ITPR1: variants seen among roughly 807,000 people sequenced by gnomAD.
ITPR1 encodes the protein inositol 1,4,5-trisphosphate-gated calcium channel ITPR1.
In ITPR1, 96 loss-of-function variants were observed where a neutral mutation model predicts 318.4. That is an observed-to-expected ratio of 0.30 (90% CI 0.26 to 0.36). The LOEUF (loss-of-function observed/expected upper bound fraction) is 0.36, where lower values mean the gene tolerates loss of function less well. Ranked by LOEUF, ITPR1 falls within the 10% of genes least tolerant of loss-of-function variation. The probability of loss-of-function intolerance (pLI) is 1.00; values close to 1 mark genes in which losing one functional copy is unlikely to be tolerated. For synonymous variants in ITPR1, 1,312 were observed against 1,289.9 expected, an observed-to-expected ratio of 1.02 and a Z score of -0.37; for missense variants, 2,440 against 3,460.2, an observed-to-expected ratio of 0.71 and a Z score of 7.40.
At chr3:4,758,012 T>G (rs1380639547) in intron 44 of ITPR1, among the ~76,000 whole-genome samples, 1 of 152,214 alleles carries the variant, frequency 6.6e-6, no homozygotes, top group Non-Finnish European at 1.5e-5. Context: ...AAATCAAAGA[T>G]GCCCACAGAG....
intron 17 of ITPR1, among the ~76,000 whole-genome samples, chr3:4,666,933 T>C (rs1017592206): frequency 6.6e-6 from 1 of 152,160 alleles, no homozygotes; most frequent in Admixed American, 6.5e-5. Context: ...TTACCACAAA[T>C]AAAGGAAATG....
At chr3:4,737,703 A>G (rs1201560119) in intron 44 of ITPR1, among the ~76,000 whole-genome samples, 1 of 152,226 alleles carries the variant, frequency 6.6e-6, no homozygotes, top group East Asian at 1.9e-4. Context: ...TAAGAATTAA[A>G]AAGTTAATGG....
At chr3:4,825,246 G>A (rs1365867816) in intron 60 of ITPR1, among the ~76,000 whole-genome samples, 1 of 152,048 alleles carries the variant, frequency 6.6e-6, no homozygotes, top group East Asian at 1.9e-4. Flanking sequence ...GTTCCATTAC[G>A]GGTTAGTTCA....
chr3:4,814,085 T>G (rs369192853), intron 57 of ITPR1, among the ~76,000 whole-genome samples: 1 of 152,186 alleles, frequency 6.6e-6, no homozygotes, highest in South Asian at 2.1e-4. Context: ...ACAAGAGGCC[T>G]GTGACTCAGA....
chr3:4,726,264 A>G (rs933752065), intron 41 of ITPR1, among the ~76,000 whole-genome samples: 1 of 151,828 alleles, frequency 6.6e-6, no homozygotes, highest in Non-Finnish European at 1.5e-5. Context: ...TCCTGACCTC[A>G]GGTGATCCAC....
intron 13 of ITPR1, among the ~76,000 whole-genome samples, chr3:4,660,547 C>T (rs1281124558): frequency 2.0e-5 from 3 of 151,850 alleles, no homozygotes; most frequent in Non-Finnish European, 4.4e-5. Context: ...AAAGGCTTTC[C>T]CTACTGCAAG....
At chr3:4,681,064 T>C (rs1306510529) in intron 25 of ITPR1, among the ~76,000 whole-genome samples, 1 of 152,136 alleles carries the variant, frequency 6.6e-6, no homozygotes, top group Non-Finnish European at 1.5e-5. Flanking sequence ...GCCCAGGAAC[T>C]AGTGGTGACG....
intron 4 of ITPR1, among the ~76,000 whole-genome samples, chr3:4,598,546 C>T (rs964676666): frequency 5.3e-5 from 8 of 151,938 alleles, no homozygotes; most frequent in South Asian, 2.1e-4. Flanking sequence ...TGCTTGAGCT[C>T]GGGAGGTTGA....
chr3:4,626,695 G>T (rs2092837826), intron 4 of ITPR1, among the ~76,000 whole-genome samples: 1 of 152,152 alleles, frequency 6.6e-6, no homozygotes, highest in Non-Finnish European at 1.5e-5. Flanking sequence ...TGAGAGTGAG[G>T]GGACAAGGGC....
At chr3:4,709,585 C>G (rs187866624) in intron 37 of ITPR1, among the ~76,000 whole-genome samples, 142 of 152,354 alleles carry the variant, frequency 9.3e-4, no homozygotes, top group Non-Finnish European at 1.7e-3. Context: ...GCTTTAGCAT[C>G]TTTTGAAGAT....
rs375889786 is a variant in ITPR1, at chr3:4,683,634, C to T, written c.3334C>T (p.Leu1112=). ...ACGGATTGCGTTCATTAAGGTTCAA[C>T]TGCTGGTTACCAGCCAAGATGTGGA... ...EVLQAFKQVQ[L]LVTSQDVDNY... is the part of the protein sequence containing the mutation. Residue 1112 remains leucine, a synonymous_variant, in exon 28 of 62, where the codon CTG becomes TTG. Coordinates refer to ENST00000649015, the MANE Select transcript of ITPR1 (RefSeq NM_001378452.1). 2 of 1,613,946 alleles carry T rather than the reference C, an allele frequency of 1.2e-6. No homozygotes were observed. Among genetic ancestry groups the T allele is most frequent in the Non-Finnish European group, 1.7e-6 (2 of 1,179,902 alleles).
intron 61 of ITPR1, among the ~76,000 whole-genome samples, chr3:4,841,798 A>C (rs1156812802): frequency 6.6e-6 from 1 of 152,196 alleles, no homozygotes; most frequent in African/African-American, 2.4e-5. Context: ...AGAGAAACAG[A>C]GCATTTGAGA....
At chr3:4,620,531 C>T (rs765425227) in intron 4 of ITPR1, among the ~76,000 whole-genome samples, 4 of 152,084 alleles carry the variant, frequency 2.6e-5, no homozygotes, top group African/African-American at 7.2e-5. Flanking sequence ...TTCATGGTAC[C>T]CTGTGCAGAA....
At position 4,680,610 on chromosome 3, in the gene ITPR1, C is replaced by G; in HGVS notation, c.3025C>G (p.Arg1009Gly). The G allele has an allele frequency of 2.5e-6, 4 of 1,613,102 alleles. No homozygotes were observed. The highest frequency in any genetic ancestry group is 3.4e-6 in the Non-Finnish European group (4 of 1,179,192). The change falls in exon 25 of 62, where the codon CGA becomes GGA. Residue 1009 changes from arginine (R) to glycine (G), a missense_variant. Arg to Gly is a moderately radical substitution (Grantham distance 125, BLOSUM62 -2). This residue lies in a region of ITPR1 where 57 missense variants were observed against 46.2 expected (regional missense o/e 1.23). Coordinates refer to ENST00000649015, the MANE Select transcript of ITPR1 (RefSeq NM_001378452.1). ...RISCLLCIFKREFDESNSQTS... is the reference protein window; with the variant it reads ...RISCLLCIFKGEFDESNSQTS... ...CTCCTGCCTCCTGTGTATATTTAAG[C>G]GAGAGTTTGATGAAAGCAATTCCCA...
chr3:4,846,574 A>G lies in ITPR1; in HGVS notation c.*349A>G, dbSNP rs1327979952. 1.2e-5 allele frequency: 2 copies of G among 170,880 alleles called. No individual in the cohort carries two copies. Among genetic ancestry groups the G allele is most frequent in the African/African-American group, 4.8e-5 (2 of 42,056 alleles). The allele number at this position is 170,880 out of a possible 1,614,324, so 10.6% of individuals were successfully genotyped here. On this transcript the variant is annotated 3_prime_UTR_variant, in exon 62 of 62. Transcript: ENST00000649015. ...AGAATAGCCAGTATTTATGTTTTTT[A>G]TAAAACTGTGCAATACGAATTATGC...
In ITPR1 at chr3:4,711,982, A is replaced by G. The variant is rs1429419294; in HGVS notation, c.5103+114A>G. On this transcript the variant is annotated intron_variant, in intron 39 of 61. Transcript: ENST00000649015. Reference sequence around the variant, plus strand: ...ACTGACTGAGGGGCTAGCTTTTTTTAAAAGAAAGAAAGAAAGAAAGAAAAA... The same window carrying G: ...ACTGACTGAGGGGCTAGCTTTTTTTGAAAGAAAGAAAGAAAGAAAGAAAAA... The G allele has an allele frequency of 1.9e-5, 10 of 527,138 alleles. No individual in the cohort carries two copies. The East Asian group carries it at 3.0e-4, about 16-fold the overall frequency. 32.7% of individuals were successfully genotyped at this position (527,138 alleles called of 1,614,324 possible).
chr3:4,645,460 T>C lies in ITPR1; in HGVS notation c.698T>C (p.Ile233Thr), dbSNP rs773023589. The change falls in exon 9 of 62, where the codon ATA (isoleucine) becomes ACA (threonine). Residue 233 changes from isoleucine (I) to threonine (T), a missense_variant. Ile to Thr is a moderately conservative substitution (Grantham distance 89). Coordinates refer to ENST00000649015, the MANE Select transcript of ITPR1 (RefSeq NM_001378452.1). ...AAATGGAGTGATAACAAAGACGACA[T>C]ATTAAAGGGGGTGAGTTTGATGCTT... ...FMKWSDNKDD[I>T]LKGGDVVRLF... The C allele has an allele frequency of 6.2e-7, 1 of 1,612,594 alleles. No individual in the cohort carries two copies. Among genetic ancestry groups the C allele is most frequent in the Non-Finnish European group, 8.5e-7 (1 of 1,178,712 alleles).
At chr3:4,689,525 C>A (rs2094448301) in intron 31 of ITPR1, among the ~76,000 whole-genome samples, 1 of 152,212 alleles carries the variant, frequency 6.6e-6, no homozygotes, top group South Asian at 2.1e-4. Context: ...GCTCAACCAG[C>A]AGACTATAAT....
intron 45 of ITPR1, among the ~76,000 whole-genome samples, chr3:4,767,513 C>T (rs1484852168): frequency 1.3e-5 from 2 of 152,306 alleles, no homozygotes; most frequent in South Asian, 2.1e-4. Flanking sequence ...CACTGTTCAA[C>T]GTTCTTTTTT....
Sources: gnomAD v4.1 joint callset for allele counts (sites outside exome capture counted in the v4.1 genomes callset) on GRCh38, gnomAD v4.1.1 for gene constraint, gnomAD v4.1.1 regional missense constraint, MANE v1.5 for transcripts, NCBI Gene and HGNC (gene_info 2026-07-23, HGNC 2026-07-21) for gene names.